Variants in CRY2 observed in about 807,000 individuals in gnomAD.
CRY2 encodes cryptochrome circadian regulator 2, also known as cryptochrome-2.
CRY2 carries 31 observed loss-of-function variants against 69.5 expected under a neutral mutation model. That is an observed-to-expected ratio of 0.45 (90% confidence interval 0.34 to 0.60). The LOEUF is 0.60. CRY2 is among the 20% of genes least tolerant of loss of function. The probability of loss-of-function intolerance (pLI) is 0.02; values close to 1 mark genes in which losing one functional copy is unlikely to be tolerated. For missense variants in CRY2, 606 were observed against 797.8 expected (o/e 0.76, Z 2.90); for synonymous variants, 303 against 312.2 (o/e 0.97, Z 0.31).
At chr11:45,868,257 A>G (rs1045977513) in intron 6 of CRY2, among the ~76,000 whole-genome samples, 1 of 152,228 alleles carries the variant, frequency 6.6e-6, no homozygotes, top group African/African-American at 2.4e-5. Flanking sequence ...CAAGAAGCAA[A>G]TAAGCCTGTG....
At chr11:45,865,100 A>G (rs990976475) in intron 5 of CRY2, among the ~76,000 whole-genome samples, 2 of 152,004 alleles carry the variant, frequency 1.3e-5, no homozygotes, top group African/African-American at 4.8e-5. Flanking sequence ...AAATTGTAAT[A>G]CCTAGGAATG....
intron 3 of CRY2, among the ~76,000 whole-genome samples, chr11:45,860,140 G>A (rs777497291): frequency 6.6e-6 from 1 of 152,006 alleles, no homozygotes; most frequent in Non-Finnish European, 1.5e-5. Context: ...TCTCTTCTTC[G>A]CCCTCTGATA....
intron 9 of CRY2, 124 bp downstream of exon 9, chr11:45,870,656 C>G: frequency 7.9e-7 from 1 of 1,266,222 alleles, no homozygotes; most frequent in Admixed American, 2.0e-5. Flanking sequence ...TTGACACCTT[C>G]GCTGGGTATG....
chr11:45,862,705 T>C (rs1421228308), intron 5 of CRY2, among the ~76,000 whole-genome samples: 1 of 152,228 alleles, frequency 6.6e-6, no homozygotes, highest in Non-Finnish European at 1.5e-5. Flanking sequence ...TATAAGATTA[T>C]TTTGTGTTGA....
At chr11:45,872,018 C>G in intron 10 of CRY2, 74 bp from the exon 11 acceptor site, 1 of 1,567,790 alleles carries the variant, frequency 6.4e-7, no homozygotes, top group African/African-American at 1.4e-5. Context: ...CCCTAAAGAG[C>G]TGCTGCTGCA....
intron 5 of CRY2, among the ~76,000 whole-genome samples, chr11:45,865,121 TAA>T (rs938463238): frequency 1.4e-5 from 2 of 141,106 alleles, no homozygotes. Context: ...CACATTTGGG[TAA>T]AAAAAAAAAA....
intron 2 of CRY2, 167 bp downstream of exon 2, chr11:45,856,257 G>C (rs947227419): frequency 6.6e-6 from 4 of 608,714 alleles, no homozygotes; most frequent in Non-Finnish European, 1.1e-5. Flanking sequence ...CTTGCTCTTG[G>C]AATGGAAACT....
Position 45,881,331 on chromosome 11 carries a change from C to T in CRY2, c.*420C>T, listed in dbSNP as rs1007275642. 5.2e-5 allele frequency: 8 copies of T among 152,688 alleles called. No homozygotes were observed. The highest frequency in any genetic ancestry group is 1.7e-4 in the African/African-American group (7 of 41,478). 9.5% of individuals were successfully genotyped at this position (152,688 alleles called of 1,614,324 possible). A position where few individuals can be genotyped will look rare whatever the true frequency, so the allele number is the denominator to read the frequency against. On this transcript the variant is annotated 3_prime_UTR_variant, in exon 12 of 12. Transcript: ENST00000616080. ...CACGTCAGGCTGTGGAGCAGGAGCA[C>T]AGCAGTTCTGGCTGTTGTCCAAAGC...
intron 3 of CRY2, among the ~76,000 whole-genome samples, chr11:45,860,085 T>C (rs2086275002): frequency 6.6e-6 from 1 of 152,226 alleles, no homozygotes; most frequent in African/African-American, 2.4e-5. Context: ...CCCGGGAATG[T>C]GGCTCCATAC....
At chr11:45,873,476 G>A (rs2086402428) in intron 11 of CRY2, among the ~76,000 whole-genome samples, 2 of 152,192 alleles carry the variant, frequency 1.3e-5, no homozygotes, top group Admixed American at 1.3e-4. Flanking sequence ...TTAGCTCTGT[G>A]ATACTAAGCA....
At chr11:45,857,044 C>T (rs1222901793) in intron 2 of CRY2, among the ~76,000 whole-genome samples, 9 of 152,128 alleles carry the variant, frequency 5.9e-5, no homozygotes, top group African/African-American at 2.2e-4. Context: ...ATTGTCATGC[C>T]CCTCCCCACC....
chr11:45,850,081 C>A (rs1344849630), intron 1 of CRY2, among the ~76,000 whole-genome samples: 1 of 151,206 alleles, frequency 6.6e-6, no homozygotes, highest in Non-Finnish European at 1.5e-5. Flanking sequence ...ATGATCATAG[C>A]TCACTGCAGC....
At chr11:45,864,734 G>A (rs983968038) in intron 5 of CRY2, among the ~76,000 whole-genome samples, 1 of 152,068 alleles carries the variant, frequency 6.6e-6, no homozygotes, top group Non-Finnish European at 1.5e-5. Context: ...TAGGCATGGT[G>A]GCGAGTGCCT....
intron 1 of CRY2, among the ~76,000 whole-genome samples, chr11:45,848,810 A>C (rs2086172571): frequency 6.6e-6 from 1 of 152,048 alleles, no homozygotes; most frequent in African/African-American, 2.4e-5. Flanking sequence ...TTTCTCTCCA[A>C]GGTGTGTGCC....
rs761601046 is a variant in CRY2, at chr11:45,870,472, C to A, written c.1489C>A (p.Arg497=). ...CATCGTCAACCATGCCGAGACCAGC[C>A]GGCTTAACATTGAACGAATGAAGCA... ...RPIVNHAETS[R]LNIERMKQIY... is the part of the protein sequence containing the mutation. Residue 497 remains arginine (R), a synonymous_variant, in exon 9 of 12, where the codon CGG becomes AGG. Transcript: ENST00000616080. 2 of 1,614,082 alleles carry A rather than the reference C, an allele frequency of 1.2e-6. No individual in the cohort carries two copies. The highest frequency in any genetic ancestry group is 1.3e-5 in the African/African-American group (1 of 74,932).
At chr11:45,862,206 T>TA in intron 5 of CRY2, 58 bp downstream of exon 5, 4 of 1,520,236 alleles carry the variant, frequency 2.6e-6, no homozygotes, top group Non-Finnish European at 3.6e-6. Context: ...CAGCAGGAGA[T>TA]ACAGGTCATG....
intron 11 of CRY2, among the ~76,000 whole-genome samples, chr11:45,880,371 G>T (rs2086461887): frequency 6.6e-6 from 1 of 152,092 alleles, no homozygotes; most frequent in African/African-American, 2.4e-5. Flanking sequence ...AGTCATCCTT[G>T]TGTCTCCTCT....
At chr11:45,870,993 A>T (rs1403451997) in intron 10 of CRY2, 59 bp downstream of exon 10, 1 of 1,421,792 alleles carries the variant, frequency 7.0e-7, no homozygotes, top group Non-Finnish European at 9.7e-7. Flanking sequence ...CACTTCAGTC[A>T]TTCAGGACTG....
intron 5 of CRY2, among the ~76,000 whole-genome samples, chr11:45,865,979 G>T (rs1245733363): frequency 2.0e-5 from 3 of 152,238 alleles, no homozygotes; most frequent in African/African-American, 4.8e-5. Context: ...GTCTAGATAT[G>T]ACCTTAGCCT....
Sources: allele counts gnomAD v4.1 joint callset (sites outside exome capture counted in the v4.1 genomes callset), GRCh38; gene constraint gnomAD v4.1.1; transcripts MANE v1.5; gene names NCBI Gene and HGNC (gene_info 2026-07-23, HGNC 2026-07-21).